RGS12: variants seen among roughly 807,000 people sequenced by gnomAD.
RGS12 encodes regulator of G protein signaling 12, also known as regulator of G-protein signaling 12.
In RGS12, 66 loss-of-function variants were observed where a neutral mutation model predicts 120.1. The ratio of observed to expected loss-of-function variants is 0.55; its 90% CI spans 0.45 to 0.67. The LOEUF (loss-of-function observed/expected upper bound fraction) is 0.67, where lower values mean the gene tolerates loss of function less well. RGS12 is among the 30% of genes least tolerant of loss of function. The pLI is 0.00. For missense variants in RGS12, 1,859 were observed against 1,957.7 expected, an observed-to-expected ratio of 0.95 and a Z score of 0.95; for synonymous variants, 827 against 804.7, an observed-to-expected ratio of 1.03 and a Z score of -0.47.
chr4:3,317,525 C>A lies in RGS12; in HGVS notation c.1355C>A (p.Pro452His). The A allele has an allele frequency of 1.2e-6, 2 of 1,611,778 alleles. No homozygotes were observed. Among genetic ancestry groups the A allele is most frequent in the South Asian group, 2.2e-5 (2 of 91,060 alleles). ...DLGGSSSRHG[P>H]GGSAWDGVGG... The stretch of plus-strand genomic sequence containing the variant: ...GGTGGGAGCTCGAGCAGACACGGCC[C>A]CGGAGGCAGCGCGTGGGACGGTGTG... The change falls in exon 2 of 18, where the codon CCC (proline) becomes CAC (histidine). Residue 452 changes from proline to histidine, a missense_variant. Physicochemically the swap from Pro to His is moderately conservative, Grantham distance 77. Coordinates refer to ENST00000336727, the MANE Select transcript of RGS12 (RefSeq NM_001394154.1).
At chr4:3,400,031 A>G (rs1272203722) in intron 4 of RGS12, among the ~76,000 whole-genome samples, 1 of 152,212 alleles carries the variant, frequency 6.6e-6, no homozygotes, top group Non-Finnish European at 1.5e-5. Context: ...GGTTTGCCTG[A>G]CGTCAGTACA....
upstream of RGS12, among the ~76,000 whole-genome samples, chr4:3,291,766 G>A (rs954567565): frequency 2.0e-5 from 3 of 152,136 alleles, no homozygotes; most frequent in African/African-American, 7.2e-5. Context: ...CTCTGGCCGC[G>A]CTCCTTCAGC....
chr4:3,329,503 C>T (rs987315935), intron 2 of RGS12, among the ~76,000 whole-genome samples: 3 of 152,088 alleles, frequency 2.0e-5, no homozygotes, highest in African/African-American at 7.2e-5. Context: ...AGGACCAAAC[C>T]AAGTGACACC....
At chr4:3,313,604 G>A (rs1361635439) in intron 1 of RGS12, among the ~76,000 whole-genome samples, 1 of 152,202 alleles carries the variant, frequency 6.6e-6, no homozygotes, top group Non-Finnish European at 1.5e-5. Context: ...TCTGCAGTCA[G>A]TGTGACCTGG....
At chr4:3,392,982 C>G (rs1427821101) in intron 4 of RGS12, among the ~76,000 whole-genome samples, 1 of 152,132 alleles carries the variant, frequency 6.6e-6, no homozygotes, top group African/African-American at 2.4e-5. Flanking sequence ...GTGAGACTGT[C>G]TCAAAACAAA....
At chr4:3,297,581 C>T (rs549789567) in intron 1 of RGS12, among the ~76,000 whole-genome samples, 47 of 152,208 alleles carry the variant, frequency 3.1e-4, no homozygotes, top group African/African-American at 8.2e-4. Context: ...CTCATTACTG[C>T]GCCAAGGAGT....
chr4:3,338,162 G>T (rs969629837), intron 2 of RGS12, among the ~76,000 whole-genome samples: 1 of 152,208 alleles, frequency 6.6e-6, no homozygotes, highest in African/African-American at 2.4e-5. Context: ...CCAGGTTCAA[G>T]CGATTCTCCT....
chr4:3,296,516 T>G (rs954908277), intron 1 of RGS12, among the ~76,000 whole-genome samples: 10 of 152,202 alleles, frequency 6.6e-5, no homozygotes, highest in African/African-American at 2.4e-4. Context: ...ATGTTCAAAT[T>G]TCCAGGATAA....
At chr4:3,407,932 T>A (rs1721336188) in intron 4 of RGS12, among the ~76,000 whole-genome samples, 1 of 152,204 alleles carries the variant, frequency 6.6e-6, no homozygotes, top group Admixed American at 6.5e-5. Flanking sequence ...TTTAAACTCT[T>A]TTTCACCAGG....
At chr4:3,338,833 T>G (rs1459361961) in intron 2 of RGS12, among the ~76,000 whole-genome samples, 1 of 152,212 alleles carries the variant, frequency 6.6e-6, no homozygotes, top group Non-Finnish European at 1.5e-5. Context: ...TTGTTTTCCC[T>G]GTTTAGTACT....
chr4:3,428,199 C>G lies in RGS12; in HGVS notation c.3411+30C>G, dbSNP rs374671098. The G allele has an allele frequency of 1.4e-4, 224 of 1,595,870 alleles. 1 individual carries two copies. Among genetic ancestry groups the G allele is most frequent in the Admixed American group, 1.1e-3 (64 of 60,002 alleles). On this transcript the variant is annotated intron_variant, in intron 15 of 17. Transcript: ENST00000336727. The stretch of plus-strand genomic sequence containing the variant: ...TTCCCCACCCTGGCCCACCCTGTGC[C>G]CTGCTCCTCTCGCTGTGGCCCCCGC...
chr4:3,367,211 C>G (rs1387180149), intron 3 of RGS12, among the ~76,000 whole-genome samples: 2 of 152,264 alleles, frequency 1.3e-5, no homozygotes, highest in Admixed American at 1.3e-4. Flanking sequence ...TGCCTCCAGG[C>G]TCACATGCCC....
intron 2 of RGS12, among the ~76,000 whole-genome samples, chr4:3,319,772 C>T (rs949873149): frequency 6.6e-6 from 1 of 152,214 alleles, no homozygotes; most frequent in African/African-American, 2.4e-5. Context: ...AGTCGTTCTG[C>T]AGCTGCACGT....
intron 3 of RGS12, chr4:3,343,276 C>A: frequency 2.0e-6 from 1 of 489,320 alleles, no homozygotes. Flanking sequence ...GGGTGCTCTT[C>A]TGTGTGCCAG....
At chr4:3,370,600 G>A (rs770414064) in intron 3 of RGS12, among the ~76,000 whole-genome samples, 2 of 152,256 alleles carry the variant, frequency 1.3e-5, no homozygotes, top group Non-Finnish European at 2.9e-5. Flanking sequence ...CAGAACTTAC[G>A]GAAAGCGTCA....
chr4:3,404,209 G>C (rs1720882429), intron 4 of RGS12, among the ~76,000 whole-genome samples: 1 of 152,220 alleles, frequency 6.6e-6, no homozygotes, highest in African/African-American at 2.4e-5. Context: ...TCTTCCATGA[G>C]AAAACCAAGG....
At chr4:3,429,811 G>GC (rs1194739461) in intron 16 of RGS12, among the ~76,000 whole-genome samples, 6 of 152,190 alleles carry the variant, frequency 3.9e-5, no homozygotes, top group Non-Finnish European at 8.8e-5. Context: ...AGCACGTGTT[G>GC]CCCCCCTCTG....
At chr4:3,432,614 C>T (rs929624150) in intron 17 of RGS12, among the ~76,000 whole-genome samples, 2 of 152,240 alleles carry the variant, frequency 1.3e-5, no homozygotes, top group African/African-American at 4.8e-5. Context: ...ACAGCGCAGG[C>T]CCAGCTGAGC....
intron 6 of RGS12, 131 bp downstream of exon 6, chr4:3,414,975 G>C (rs532256470): frequency 1.6e-6 from 1 of 638,036 alleles, no homozygotes; most frequent in South Asian, 1.8e-5. Context: ...TGAGAGGGGC[G>C]TGTGAGAGGT....
Sources: gnomAD v4.1 joint callset for allele counts (sites outside exome capture counted in the v4.1 genomes callset) on GRCh38, gnomAD v4.1.1 for gene constraint, MANE v1.5 for transcripts, NCBI Gene and HGNC (gene_info 2026-07-23, HGNC 2026-07-21) for gene names.